TBCK: variants seen among roughly 807,000 people sequenced by gnomAD.
The protein encoded by TBCK is TBC domain-containing protein kinase-like protein.
Under a neutral mutation model 113.4 loss-of-function variants are expected in TBCK, and 99 were observed. The observed-to-expected ratio is 0.87, with a 90% CI of 0.74 to 1.03. The LOEUF (loss-of-function observed/expected upper bound fraction) is 1.03. Among genes scored for constraint, TBCK ranks in the 50% least tolerant of loss-of-function variants. The probability of loss-of-function intolerance (pLI) is 0.00; values close to 1 mark genes in which losing one functional copy is unlikely to be tolerated. For missense variants in TBCK, 1,045 were observed against 1,061.3 expected (o/e 0.98, Z 0.21); for synonymous variants, 369 against 370.8 (o/e 1.00, Z 0.05).
chr4:106,118,407 G>C lies in TBCK; in HGVS notation c.2236-2029C>G, dbSNP rs1017101988. Among the ~76,000 whole-genome samples the C allele has an allele frequency of 5.1e-4, 77 of 152,188 alleles. 1 individual carries two copies. Among genetic ancestry groups the C allele is most frequent in the African/African-American group, 1.8e-3 (76 of 41,522 alleles). ...AATTGCTAAGCTTTATGGGTTTATA[G>C]CTTTTAATAAAAAATAGGCATTAAG... On this transcript the variant is annotated intron_variant, in intron 23 of 25. Coordinates refer to ENST00000394708, the MANE Select transcript of TBCK (RefSeq NM_001163435.3).
intron 1 of TBCK, among the ~76,000 whole-genome samples, chr4:106,310,907 T>C (rs1198447731): frequency 6.6e-6 from 1 of 151,894 alleles, no homozygotes; most frequent in Non-Finnish European, 1.5e-5. Context: ...AGATATTGCA[T>C]CCATTACATA....
chr4:106,075,152 A>C (rs1307407472), intron 25 of TBCK, among the ~76,000 whole-genome samples: 1 of 151,936 alleles, frequency 6.6e-6, no homozygotes, highest in African/African-American at 2.4e-5. Flanking sequence ...TGGGAAGGAA[A>C]AACAATAGGC....
intron 15 of TBCK, among the ~76,000 whole-genome samples, chr4:106,234,081 G>A (rs1759181323): frequency 6.6e-6 from 1 of 151,898 alleles, no homozygotes; most frequent in African/African-American, 2.4e-5. Flanking sequence ...CTGAATGAAC[G>A]ACTACAAATT....
intron 11 of TBCK, among the ~76,000 whole-genome samples, 163 bp from the exon 12 acceptor site, chr4:106,242,732 C>T (rs909017102): frequency 6.6e-6 from 1 of 151,724 alleles, no homozygotes; most frequent in Non-Finnish European, 1.5e-5. Flanking sequence ...TATTATTATA[C>T]TTTAAGTTTT....
intron 25 of TBCK, among the ~76,000 whole-genome samples, chr4:106,079,075 T>C (rs1476495252): frequency 6.6e-6 from 1 of 152,046 alleles, no homozygotes; most frequent in African/African-American, 2.4e-5. Flanking sequence ...CTTTAATATA[T>C]GTGAAAGTCT....
chr4:106,296,047 A>T (rs1766268311), intron 2 of TBCK, among the ~76,000 whole-genome samples: 1 of 152,188 alleles, frequency 6.6e-6, no homozygotes, highest in African/African-American at 2.4e-5. Context: ...AAACAGTGGT[A>T]GACATGATCA....
At chr4:106,063,629 G>A (rs551383599) in intron 25 of TBCK, among the ~76,000 whole-genome samples, 4 of 151,924 alleles carry the variant, frequency 2.6e-5, no homozygotes, top group South Asian at 2.1e-4. Context: ...AGGGTGCCAC[G>A]GTCTGAATGT....
At chr4:106,165,523 T>A (rs887242588) in intron 23 of TBCK, among the ~76,000 whole-genome samples, 33 of 151,770 alleles carry the variant, frequency 2.2e-4, no homozygotes, top group African/African-American at 8.0e-4. Context: ...AGTAATGAGC[T>A]AACATAGCTG....
intron 3 of TBCK, among the ~76,000 whole-genome samples, chr4:106,279,884 C>A (rs1764408053): frequency 6.6e-6 from 1 of 152,090 alleles, no homozygotes; most frequent in African/African-American, 2.4e-5. Flanking sequence ...AACAGTGCTG[C>A]AACAAATATG....
At chr4:106,228,120 C>T (rs939479140) in intron 19 of TBCK, among the ~76,000 whole-genome samples, 53 of 151,940 alleles carry the variant, frequency 3.5e-4, no homozygotes, top group African/African-American at 1.3e-3. Context: ...GTACATAGAA[C>T]ATGCATATAT....
chr4:106,062,378 T>C (rs867339355), intron 25 of TBCK, among the ~76,000 whole-genome samples: 11 of 151,838 alleles, frequency 7.2e-5, no homozygotes, highest in Admixed American at 7.2e-4. Flanking sequence ...ATAAGTCTTG[T>C]GGTAAATTTT....
chr4:106,140,059 C>T (rs1747006140), intron 23 of TBCK, among the ~76,000 whole-genome samples: 1 of 140,196 alleles, frequency 7.1e-6, no homozygotes, highest in Non-Finnish European at 1.6e-5. Flanking sequence ...AGATGAATTA[C>T]AATAATATTT....
chr4:106,257,569 T>C lies in TBCK; in HGVS notation c.455+2868A>G, dbSNP rs147112821. On this transcript the variant is annotated intron_variant, in intron 5 of 25. Transcript: ENST00000394708. Reference sequence around the variant, plus strand: ...CTTTTTCATTTTAATAGAATGATGATGGTGATACCAGTATCTTCTTATGAT... The same window carrying C: ...CTTTTTCATTTTAATAGAATGATGACGGTGATACCAGTATCTTCTTATGAT... Among the ~76,000 whole-genome samples, 700 of 152,218 alleles carry C rather than the reference T, an allele frequency of 4.6e-3. 5 individuals are homozygous for C. In the Middle Eastern group the frequency reaches 0.061, roughly 13 times the overall value.
intron 25 of TBCK, among the ~76,000 whole-genome samples, chr4:106,060,377 C>A (rs1735902736): frequency 6.6e-6 from 1 of 151,700 alleles, no homozygotes; most frequent in Non-Finnish European, 1.5e-5. Context: ...TACTCACTGA[C>A]CATTCCAAAA....
intron 2 of TBCK, among the ~76,000 whole-genome samples, chr4:106,303,556 A>C (rs544317393): frequency 1.3e-5 from 2 of 152,252 alleles, no homozygotes; most frequent in East Asian, 3.9e-4. Context: ...TAATCTTCAA[A>C]GCCCTTCAAC....
At chr4:106,175,749 C>A (rs1420011096) in intron 22 of TBCK, among the ~76,000 whole-genome samples, 1 of 152,116 alleles carries the variant, frequency 6.6e-6, no homozygotes, top group African/African-American at 2.4e-5. Context: ...CCTCTTTCTA[C>A]ACCAAATTCT....
intron 3 of TBCK, among the ~76,000 whole-genome samples, chr4:106,285,717 G>T (rs530886646): frequency 3.9e-5 from 6 of 152,246 alleles, no homozygotes; most frequent in African/African-American, 1.4e-4. Context: ...AACAGTTATA[G>T]ACAAAGGAAC....
At chr4:106,164,993 A>AATTT (rs61686360) in intron 23 of TBCK, among the ~76,000 whole-genome samples, 28,146 of 151,536 alleles carry the variant, frequency 0.19, 2,609 homozygotes, top group South Asian at 0.25. Context: ...TAAAAAAATT[A>AATTT]ATTTAATAAA....
At chr4:106,293,797 TA>T (rs1394637372) in intron 3 of TBCK, among the ~76,000 whole-genome samples, 1 of 152,236 alleles carries the variant, frequency 6.6e-6, no homozygotes, top group Non-Finnish European at 1.5e-5. Context: ...GGAAAATTAT[TA>T]ACCAGTCAGA....
Sources: allele counts gnomAD v4.1 joint callset (sites outside exome capture counted in the v4.1 genomes callset), GRCh38; gene constraint gnomAD v4.1.1; transcripts MANE v1.5; gene names NCBI Gene and HGNC (gene_info 2026-07-23, HGNC 2026-07-21).